The following CDC42EP3 variants were observed in gnomAD, a reference collection of about 807,000 sequenced individuals.
The protein encoded by CDC42EP3 is CDC42 effector protein (Rho GTPase binding) 3.
Under a neutral mutation model 15.5 loss-of-function variants are expected in CDC42EP3, and 4 were observed. The observed-to-expected ratio is 0.26, with a 90% CI of 0.13 to 0.59. The LOEUF (loss-of-function observed/expected upper bound fraction) is 0.59. Ranked by LOEUF, CDC42EP3 falls within the 20% of genes least tolerant of loss-of-function variation. CDC42EP3 has a pLI of 0.89. For synonymous variants in CDC42EP3, 145 were observed against 130.3 expected (o/e 1.11, Z -0.77); for missense variants, 309 against 311.2 (o/e 0.99, Z 0.05).
chr2:37,672,704 C>T (rs923417915), upstream of CDC42EP3, among the ~76,000 whole-genome samples: 2 of 152,200 alleles, frequency 1.3e-5, no homozygotes, highest in Non-Finnish European at 2.9e-5. Context: ...AGGTCCCAGC[C>T]CGCATGGTCA....
At chr2:37,659,867 G>A (rs1227319621) in intron 1 of CDC42EP3, among the ~76,000 whole-genome samples, 2 of 152,158 alleles carry the variant, frequency 1.3e-5, no homozygotes, top group Admixed American at 6.5e-5. Flanking sequence ...CAAAACATTT[G>A]CCAAACCAAA....
At chr2:37,660,865 A>G (rs1206710515) in intron 1 of CDC42EP3, among the ~76,000 whole-genome samples, 1 of 151,782 alleles carries the variant, frequency 6.6e-6, no homozygotes, top group African/African-American at 2.4e-5. Flanking sequence ...AGGGTTAGGG[A>G]GTGTGCACAA....
At chr2:37,649,060 G>A (rs933591350) in intron 1 of CDC42EP3, among the ~76,000 whole-genome samples, 5 of 150,420 alleles carry the variant, frequency 3.3e-5, no homozygotes, top group African/African-American at 9.9e-5. Context: ...TCCCAGGGCA[G>A]GGGGTTCCAA....
intron 1 of CDC42EP3, among the ~76,000 whole-genome samples, chr2:37,653,922 T>C (rs1665766436): frequency 1.3e-5 from 2 of 152,134 alleles, no homozygotes; most frequent in Admixed American, 1.3e-4. Context: ...GCATCCGACT[T>C]CCCCTTTCTG....
chr2:37,648,345 C>T (rs1435418410), intron 1 of CDC42EP3, among the ~76,000 whole-genome samples: 1 of 152,202 alleles, frequency 6.6e-6, no homozygotes, highest in Non-Finnish European at 1.5e-5. Context: ...TGAAGGGAGC[C>T]ACATTTGCTT....
chr2:37,663,918 T>C (rs1259303779), intron 1 of CDC42EP3, among the ~76,000 whole-genome samples: 1 of 152,100 alleles, frequency 6.6e-6, no homozygotes, highest in African/African-American at 2.4e-5. Context: ...CTCATGCCTG[T>C]AATCCCAGCA....
At position 37,645,843 on chromosome 2, in the gene CDC42EP3, C is replaced by T. The variant is rs968015978; in HGVS notation, c.745G>A (p.Val249Ile). 1 of 1,540,404 alleles carries T rather than the reference C, an allele frequency of 6.5e-7. No individual in the cohort carries two copies. The highest frequency in any genetic ancestry group is 2.3e-5 in the East Asian group (1 of 44,268). ...TCTTGTTACTTATTTTTATCCATTA[C>T]ATTCAGCACCTCATCCAAAAGTGAG... ...GPSLLDEVLN[V>I]MDKNK Residue 249 changes from valine to isoleucine, a missense_variant, in exon 2 of 2, where the codon GTA (valine) becomes ATA (isoleucine). Val to Ile is a conservative substitution (Grantham distance 29). Transcript: ENST00000295324.
intron 1 of CDC42EP3, among the ~76,000 whole-genome samples, chr2:37,652,174 C>CAA (rs61407687): frequency 0.035 from 1,353 of 39,054 alleles, 209 homozygotes; most frequent in African/African-American, 0.049. Context: ...GACTCCCTCT[C>CAA]AAAAAAAAAA....
chr2:37,657,001 C>CTCCCCCG (rs1553317251), intron 1 of CDC42EP3, among the ~76,000 whole-genome samples: 1 of 103,212 alleles, frequency 9.7e-6, no homozygotes, highest in Admixed American at 1.2e-4. Flanking sequence ...CCCCCCGCCC[C>CTCCCCCG]CCGCCATCCT....
chr2:37,646,304 AAC>A lies in CDC42EP3; in HGVS notation c.282_283del (p.Phe95HisfsTer34). The A allele has an allele frequency of 6.2e-7, 1 of 1,614,170 alleles. No homozygotes were observed. The highest frequency in any genetic ancestry group is 8.5e-7 in the Non-Finnish European group (1 of 1,180,028). ...GAGCACCGGGGAGGGCGTTTCTGTG[AAC>A]ACAGAGTCCGAGGTGCTGTTGGCCC... On this transcript the variant is annotated frameshift_variant, in exon 2 of 2. Coordinates refer to ENST00000295324, the MANE Select transcript of CDC42EP3 (RefSeq NM_006449.5). LOFTEE classifies it high-confidence loss of function.
chr2:37,656,664 A>G (rs571046678), intron 1 of CDC42EP3, among the ~76,000 whole-genome samples: 1 of 152,356 alleles, frequency 6.6e-6, no homozygotes, highest in South Asian at 2.1e-4. Context: ...TGGAGGAGCT[A>G]GGATTCCAGC....
intron 1 of CDC42EP3, among the ~76,000 whole-genome samples, chr2:37,665,188 A>T (rs1391846675): frequency 6.6e-6 from 1 of 152,162 alleles, no homozygotes; most frequent in Non-Finnish European, 1.5e-5. Context: ...GATACAAGAC[A>T]CTATGGAAAT....
intron 1 of CDC42EP3, among the ~76,000 whole-genome samples, chr2:37,655,793 A>G (rs1665829905): frequency 6.6e-6 from 1 of 152,216 alleles, no homozygotes; most frequent in African/African-American, 2.4e-5. Flanking sequence ...CTTGACTCTG[A>G]AGTTTTCAGC....
At chr2:37,650,038 C>T (rs983117719) in intron 1 of CDC42EP3, among the ~76,000 whole-genome samples, 1 of 136,634 alleles carries the variant, frequency 7.3e-6, no homozygotes, top group African/African-American at 3.2e-5. Context: ...TAACAGCTCC[C>T]AAATACCCTG....
rs1458711126 is a variant in CDC42EP3 at position 37,671,429 on chromosome 2, C to G, written c.-239G>C. 1 of 152,726 alleles carries G rather than the reference C, an allele frequency of 6.5e-6. No individual in the cohort carries two copies. The highest frequency in any genetic ancestry group is 1.5e-5 in the Non-Finnish European group (1 of 68,460). The allele number at this position is 152,726 out of a possible 1,614,324, so 9.5% of individuals were successfully genotyped here. A position where few individuals can be genotyped will look rare whatever the true frequency, so the allele number is the denominator to read the frequency against. On this transcript the variant is annotated 5_prime_UTR_variant, in exon 1 of 2. Coordinates refer to ENST00000295324, the MANE Select transcript of CDC42EP3 (RefSeq NM_006449.5). ...GCCCTGGGCTGCCCCGACTCACCGG[C>G]CGCCGCTGAGGATCCCAGCCGCTGC...
chr2:37,652,106 C>T (rs1427910214), intron 1 of CDC42EP3, among the ~76,000 whole-genome samples: 1 of 122,180 alleles, frequency 8.2e-6, no homozygotes, highest in African/African-American at 3.1e-5. Flanking sequence ...ACCCGGGAGG[C>T]GGAGCTTGCA....
At chr2:37,647,470 G>C (rs1192680737) in intron 1 of CDC42EP3, 1 of 152,188 alleles carries the variant, frequency 6.6e-6, no homozygotes, top group Non-Finnish European at 1.5e-5. Flanking sequence ...TTGGGCTGTC[G>C]AGGATGTCAG....
At chr2:37,647,606 G>T (rs543576529) in intron 1 of CDC42EP3, 8 of 152,418 alleles carry the variant, frequency 5.2e-5, no homozygotes, top group African/African-American at 1.9e-4. Context: ...TTACTGATAA[G>T]GCTATATCCT....
At chr2:37,661,630 G>C (rs970910028) in intron 1 of CDC42EP3, among the ~76,000 whole-genome samples, 2 of 152,156 alleles carry the variant, frequency 1.3e-5, no homozygotes, top group African/African-American at 2.4e-5. Flanking sequence ...TGCAGGCTCT[G>C]GCTGCTGGCG....
Sources: gnomAD v4.1 joint callset for allele counts (sites outside exome capture counted in the v4.1 genomes callset) on GRCh38, gnomAD v4.1.1 for gene constraint, MANE v1.5 for transcripts, NCBI Gene and HGNC (gene_info 2026-07-23, HGNC 2026-07-21) for gene names.